ENPEP: variants seen among roughly 807,000 people sequenced by gnomAD.
ENPEP encodes the protein AP-A.
A neutral mutation model predicts 114.5 loss-of-function variants in ENPEP; 103 were observed. The ratio of observed to expected loss-of-function variants is 0.90; its 90% CI spans 0.77 to 1.06. ENPEP has a LOEUF of 1.06. ENPEP is among the 50% of genes least tolerant of loss of function. ENPEP has a pLI of 0.00. For synonymous variants in ENPEP, 420 were observed against 422.0 expected, an observed-to-expected ratio of 1.00 and a Z score of 0.06; for missense variants, 1,196 against 1,161.3, an observed-to-expected ratio of 1.03 and a Z score of -0.43.
chr4:110,505,038 C>A (rs1725321363), intron 3 of ENPEP, among the ~76,000 whole-genome samples: 1 of 152,200 alleles, frequency 6.6e-6, no homozygotes, highest in Non-Finnish European at 1.5e-5. Flanking sequence ...GATAGAAAAT[C>A]TGAGAGTTTT....
At chr4:110,482,964 G>A (rs746875001) in intron 1 of ENPEP, among the ~76,000 whole-genome samples, 1 of 152,086 alleles carries the variant, frequency 6.6e-6, no homozygotes, top group Admixed American at 6.5e-5. Flanking sequence ...AGTCAAGATC[G>A]CGCCACTGCA....
chr4:110,506,611 T>C (rs1156803893), intron 3 of ENPEP, 26 bp from the exon 4 acceptor site: 2 of 1,574,610 alleles, frequency 1.3e-6, no homozygotes, highest in Non-Finnish European at 1.7e-6. Flanking sequence ...TAATTTTCAC[T>C]GAATTTTTTG....
At chr4:110,534,633 A>T (rs1218638240) in intron 11 of ENPEP, among the ~76,000 whole-genome samples, 1 of 147,416 alleles carries the variant, frequency 6.8e-6, no homozygotes, top group Non-Finnish European at 1.5e-5. Flanking sequence ...TCAGCCTCCC[A>T]TGTAGCTGGG....
In ENPEP at chr4:110,476,803, G is replaced by A. The variant is rs988379942; in HGVS notation, c.389G>A (p.Arg130Gln). Residue 130 changes from arginine (R) to glutamine (Q), a missense_variant, in exon 1 of 20, where the codon CGG becomes CAG. Coordinates refer to ENST00000265162, the MANE Select transcript of ENPEP (RefSeq NM_001977.4). ...SISINLSAPT[R>Q]YLWLHLRETR... ...TCCATCAACCTGAGCGCTCCCACCC[G>A]GTACCTGTGGCTGCACCTCCGGGAG... The A allele has an allele frequency of 5.0e-6, 8 of 1,614,042 alleles. No individual in the cohort carries two copies. Among genetic ancestry groups the A allele is most frequent in the South Asian group, 1.1e-5 (1 of 91,082 alleles).
chr4:110,563,171 T>C lies in ENPEP; in HGVS notation c.*1613T>C, dbSNP rs76545347. On this transcript the variant is annotated 3_prime_UTR_variant, in exon 20 of 20. Transcript: ENST00000265162. ...CTATCCTCATAAGATTAACTTAAAA[T>C]TCTGACCACAATCAGAACCAGCACT... 20 of 152,266 alleles carry C rather than the reference T, an allele frequency of 1.3e-4. No homozygotes were observed. The East Asian group carries it at 3.9e-3, about 29-fold the overall frequency. The allele number at this position is 152,266 out of a possible 1,614,324, so 9.4% of individuals were successfully genotyped here. A position where few individuals can be genotyped will look rare whatever the true frequency, so the allele number is the denominator to read the frequency against.
chr4:110,488,675 C>T lies in ENPEP; in HGVS notation c.779C>T (p.Pro260Leu). The T allele has an allele frequency of 6.2e-7, 1 of 1,609,162 alleles. No individual in the cohort carries two copies. Among genetic ancestry groups the T allele is most frequent in the Non-Finnish European group, 8.5e-7 (1 of 1,178,676 alleles). ...GAATACGGAGCACTTTCAAATATGC[C>T]AGTGGCGGTAAGTATTTTTTAAATG... ...PKEYGALSNM[P>L]VAKEESVDDK... Residue 260 changes from proline (P) to leucine (L), a missense_variant, in exon 2 of 20, where the codon CCA (proline) becomes CTA (leucine). Transcript: ENST00000265162.
chr4:110,545,478 A>C (rs538040925), intron 13 of ENPEP, among the ~76,000 whole-genome samples: 6 of 152,108 alleles, frequency 3.9e-5, no homozygotes, highest in Admixed American at 2.0e-4. Flanking sequence ...GGTTCAGGCC[A>C]GTCACCTGCA....
intron 1 of ENPEP, among the ~76,000 whole-genome samples, chr4:110,481,556 C>T (rs1181200155): frequency 2.6e-5 from 4 of 152,132 alleles, no homozygotes; most frequent in African/African-American, 9.7e-5. Flanking sequence ...TATAAGCTCT[C>T]ACATGACTAG....
At chr4:110,556,038 T>C (rs1046054244) in intron 18 of ENPEP, among the ~76,000 whole-genome samples, 1 of 152,062 alleles carries the variant, frequency 6.6e-6, no homozygotes. Context: ...TTTCTAAATA[T>C]GTCCTTTAGA....
Position 110,479,863 on chromosome 4 carries a change from T to C in ENPEP, c.644+2805T>C, listed in dbSNP as rs184825889. Reference sequence around the variant, plus strand: ...ATAATAAAATAAAATTTTACACATATTAGGAAGGCCAAAAATTGGAACTAT... The same window carrying C: ...ATAATAAAATAAAATTTTACACATACTAGGAAGGCCAAAAATTGGAACTAT... On this transcript the variant is annotated intron_variant, in intron 1 of 19. Coordinates refer to ENST00000265162, the MANE Select transcript of ENPEP (RefSeq NM_001977.4). Among the ~76,000 whole-genome samples the C allele has an allele frequency of 2.1e-3, 327 of 152,204 alleles. 1 individual carries two copies. Among genetic ancestry groups the C allele is most frequent in the African/African-American group, 7.2e-3 (301 of 41,520 alleles).
intron 11 of ENPEP, among the ~76,000 whole-genome samples, chr4:110,534,571 G>A (rs867480648): frequency 1.4e-5 from 2 of 140,972 alleles, no homozygotes; most frequent in South Asian, 2.3e-4. Context: ...GCAGTGGAGC[G>A]ATCTCAGCTC....
At chr4:110,522,192 T>TC (rs1253834693) in intron 10 of ENPEP, among the ~76,000 whole-genome samples, 1 of 151,846 alleles carries the variant, frequency 6.6e-6, no homozygotes, top group Admixed American at 6.6e-5. Context: ...TAGGATTCTT[T>TC]TTTTTTTTGA....
intron 12 of ENPEP, 26 bp downstream of exon 12, chr4:110,542,913 T>C (rs773358418): frequency 1.2e-6 from 2 of 1,610,550 alleles, no homozygotes; most frequent in South Asian, 2.2e-5. Context: ...GGTTGGAAAC[T>C]TTTATTTTTG....
intron 2 of ENPEP, among the ~76,000 whole-genome samples, chr4:110,489,728 G>T (rs1269441303): frequency 6.6e-6 from 1 of 152,050 alleles, no homozygotes; most frequent in East Asian, 1.9e-4. Flanking sequence ...TTGCCTCAAA[G>T]TTGAGGTTTA....
At position 110,559,739 on chromosome 4, in the gene ENPEP, T is replaced by C. The variant is rs1192826344; in HGVS notation, c.2721+14T>C. ...CAACTGTGGCAGGTATGAAGATAAA[T>C]TCCTCTGCATTTGTCCAAGAAGGAG... On this transcript the variant is annotated intron_variant, in intron 19 of 19. Transcript: ENST00000265162. 1 of 1,598,340 alleles carries C rather than the reference T, an allele frequency of 6.3e-7. No individual in the cohort carries two copies. The highest frequency in any genetic ancestry group is 1.1e-5 in the South Asian group (1 of 89,832).
intron 1 of ENPEP, among the ~76,000 whole-genome samples, chr4:110,484,673 G>A (rs1471664898): frequency 1.3e-5 from 2 of 150,436 alleles, no homozygotes; most frequent in Non-Finnish European, 3.0e-5. Flanking sequence ...GTCTTTTAAA[G>A]AGAGAAGGTG....
intron 14 of ENPEP, 135 bp downstream of exon 14, chr4:110,548,461 G>A: frequency 1.6e-6 from 1 of 628,352 alleles, no homozygotes; most frequent in Non-Finnish European, 2.4e-6. Flanking sequence ...AAAGTGCAAT[G>A]ACTTGACTAA....
Position 110,476,841 on chromosome 4 carries a change from C to T in ENPEP, c.427C>T (p.Arg143Trp), listed in dbSNP as rs776005918. 5.1e-5 allele frequency: 82 copies of T among 1,614,026 alleles called. No homozygotes were observed. The highest frequency in any genetic ancestry group is 6.5e-5 in the Non-Finnish European group (77 of 1,180,024). Residue 143 changes from arginine to tryptophan, a missense_variant, in exon 1 of 20, where the codon CGG becomes TGG. Coordinates refer to ENST00000265162, the MANE Select transcript of ENPEP (RefSeq NM_001977.4). ...GCACCTCCGGGAGACCAGGATCACC[C>T]GGCTCCCGGAGCTGAAGAGGCCCTC... ...WLHLRETRITRLPELKRPSGD... is the reference protein window; with the variant it reads ...WLHLRETRITWLPELKRPSGD...
chr4:110,539,286 G>A (rs1023326642), intron 11 of ENPEP, among the ~76,000 whole-genome samples: 1 of 152,082 alleles, frequency 6.6e-6, no homozygotes, highest in Non-Finnish European at 1.5e-5. Flanking sequence ...GATTCTCTAG[G>A]CCACTTGCTG....
Sources: gnomAD v4.1 joint callset for allele counts (sites outside exome capture counted in the v4.1 genomes callset) on GRCh38, gnomAD v4.1.1 for gene constraint, MANE v1.5 for transcripts, NCBI Gene and HGNC (gene_info 2026-07-23, HGNC 2026-07-21) for gene names.